The following CCDC178 variants were observed in gnomAD, a reference collection of about 807,000 sequenced individuals.
The protein encoded by CCDC178 is coiled-coil domain containing 178, also known as coiled-coil domain-containing protein 178.
In CCDC178, 126 loss-of-function variants were observed where a neutral mutation model predicts 117.4. That is an observed-to-expected ratio of 1.07 (90% CI 0.93 to 1.24). CCDC178 has a LOEUF of 1.24. Among genes scored for constraint, CCDC178 ranks in the 50% most tolerant of loss-of-function variants. The pLI is 0.00. For synonymous variants in CCDC178, 283 were observed against 313.4 expected (o/e 0.90, Z 1.02); for missense variants, 1,030 against 986.9 (o/e 1.04, Z -0.59).
At position 32,960,206 on chromosome 18, in the gene CCDC178, G is replaced by C. The variant is rs183791933; in HGVS notation, c.2523+14341C>G. 1.2e-3 allele frequency among the ~76,000 whole-genome samples: 182 copies of C among 152,188 alleles called. 1 individual carries two copies. Among genetic ancestry groups the C allele is most frequent in the Non-Finnish European group, 2.1e-3 (142 of 68,008 alleles). On this transcript the variant is annotated intron_variant, in intron 22 of 22. Transcript: ENST00000383096. ...TTATCTTTAAAGGGAAGGAAAATAG[G>C]TGATCCAAGGCTACACTTTTTATCC...
At chr18:33,363,702 TAGATCTATGGGTCA>T (rs2063160174) in intron 6 of CCDC178, among the ~76,000 whole-genome samples, 1 of 152,080 alleles carries the variant, frequency 6.6e-6, no homozygotes, top group African/African-American at 2.4e-5. Flanking sequence ...CTTTAGTTCA[TAGATCTATGGGTCA>T]AAAGAAGTTG....
chr18:33,386,745 C>A (rs532860181), intron 5 of CCDC178, among the ~76,000 whole-genome samples: 12 of 152,190 alleles, frequency 7.9e-5, no homozygotes, highest in Non-Finnish European at 1.6e-4. Flanking sequence ...TTATCACAAA[C>A]CCACAGTCAA....
chr18:33,114,999 T>C (rs1013338646), intron 20 of CCDC178, among the ~76,000 whole-genome samples: 4 of 152,058 alleles, frequency 2.6e-5, no homozygotes, highest in African/African-American at 4.8e-5. Flanking sequence ...GCCAGGTAGA[T>C]TGAATAGAGG....
At chr18:33,281,483 G>A (rs942604997) in intron 12 of CCDC178, among the ~76,000 whole-genome samples, 1 of 151,858 alleles carries the variant, frequency 6.6e-6, no homozygotes, top group African/African-American at 2.4e-5. Flanking sequence ...TATATTCAAG[G>A]AAACAATGCC....
intron 21 of CCDC178, among the ~76,000 whole-genome samples, chr18:33,000,307 A>C (rs183882631): frequency 6.6e-6 from 1 of 152,078 alleles, no homozygotes; most frequent in African/African-American, 2.4e-5. Flanking sequence ...CAAAAGAAAA[A>C]ATAATTAAAA....
rs1259939305 is a variant in CCDC178 at position 33,211,956 on chromosome 18, C to G, written c.2178G>C (p.Glu726Asp). 1 of 1,609,326 alleles carries G rather than the reference C, an allele frequency of 6.2e-7. No individual in the cohort carries two copies. Among genetic ancestry groups the G allele is most frequent in the East Asian group, 2.2e-5 (1 of 44,646 alleles). ...EKKDCEERIF[E>D]EDQRFRVLLA... ...GGAGCACTCTAAATCTCTGATCTTC[C>G]TCAAAGATTCTCTCTTCACAGTCTT... Residue 726 changes from glutamate to aspartate, a missense_variant, in exon 20 of 23, where the codon GAG becomes GAC. Glu to Asp is a conservative substitution (Grantham distance 45, BLOSUM62 2). Coordinates refer to ENST00000383096, the MANE Select transcript of CCDC178 (RefSeq NM_001105528.4).
At chr18:33,324,059 A>G (rs182832012) in intron 10 of CCDC178, among the ~76,000 whole-genome samples, 1 of 151,924 alleles carries the variant, frequency 6.6e-6, no homozygotes, top group East Asian at 2.0e-4. Context: ...CACCAACCTA[A>G]TATCTTAGTG....
At chr18:33,227,556 G>GTATATA (rs145380258) in intron 15 of CCDC178, among the ~76,000 whole-genome samples, 6 of 110,934 alleles carry the variant, frequency 5.4e-5, no homozygotes, top group South Asian at 3.3e-4. Context: ...GTGTGTGTGT[G>GTATATA]TATATATATA....
At chr18:33,043,882 T>C (rs2056594993) in intron 21 of CCDC178, among the ~76,000 whole-genome samples, 1 of 151,792 alleles carries the variant, frequency 6.6e-6, no homozygotes, top group South Asian at 2.1e-4. Flanking sequence ...AATAGTTTAA[T>C]TCAACTTGTA....
At chr18:33,030,636 T>C (rs2056322873) in intron 21 of CCDC178, among the ~76,000 whole-genome samples, 1 of 151,440 alleles carries the variant, frequency 6.6e-6, no homozygotes, top group Non-Finnish European at 1.5e-5. Context: ...AGATGATAGA[T>C]CAATAGATAG....
At chr18:32,992,161 T>A (rs1179308965) in intron 21 of CCDC178, among the ~76,000 whole-genome samples, 1 of 152,220 alleles carries the variant, frequency 6.6e-6, no homozygotes, top group Non-Finnish European at 1.5e-5. Flanking sequence ...ATGCATTTTT[T>A]TTATCCTTTT....
At chr18:33,341,400 G>A (rs1018043426) in intron 9 of CCDC178, among the ~76,000 whole-genome samples, 3 of 152,174 alleles carry the variant, frequency 2.0e-5, no homozygotes, top group African/African-American at 7.2e-5. Flanking sequence ...GGTTAATGCT[G>A]AAATGAGTTA....
At chr18:33,046,729 C>T (rs547122053) in intron 21 of CCDC178, among the ~76,000 whole-genome samples, 1 of 152,088 alleles carries the variant, frequency 6.6e-6, no homozygotes, top group Non-Finnish European at 1.5e-5. Context: ...TGCTCTCCAG[C>T]CTCCTTGAGT....
intron 21 of CCDC178, among the ~76,000 whole-genome samples, chr18:32,986,508 G>T (rs1332115530): frequency 6.6e-6 from 1 of 151,894 alleles, no homozygotes; most frequent in Admixed American, 6.6e-5. Context: ...GAGATTCGCA[G>T]GAACAAACAA....
chr18:33,145,783 A>G (rs1389203611), intron 20 of CCDC178, among the ~76,000 whole-genome samples: 1 of 152,214 alleles, frequency 6.6e-6, no homozygotes, highest in East Asian at 1.9e-4. Context: ...TGATGGTGGA[A>G]CCAGAAGATG....
chr18:33,153,531 T>G (rs894994569), intron 20 of CCDC178, among the ~76,000 whole-genome samples: 6 of 152,140 alleles, frequency 3.9e-5, no homozygotes, highest in African/African-American at 1.4e-4. Context: ...TTTGAAAAGC[T>G]CTGGCCAAAT....
chr18:33,402,360 C>T (rs2063720067), intron 3 of CCDC178, among the ~76,000 whole-genome samples: 1 of 152,168 alleles, frequency 6.6e-6, no homozygotes, highest in South Asian at 2.1e-4. Flanking sequence ...ACATTTGTGG[C>T]TTCTTAACTT....
chr18:33,426,015 G>A (rs925272503), intron 2 of CCDC178, among the ~76,000 whole-genome samples: 1 of 152,252 alleles, frequency 6.6e-6, no homozygotes, highest in Non-Finnish European at 1.5e-5. Flanking sequence ...GCTATATTAT[G>A]AGGTAGCAAA....
intron 21 of CCDC178, among the ~76,000 whole-genome samples, chr18:33,022,839 G>A (rs2056149833): frequency 6.6e-6 from 1 of 151,956 alleles, no homozygotes; most frequent in Non-Finnish European, 1.5e-5. Context: ...ACTGTCAACA[G>A]GGAATTCATT....
Sources: gnomAD v4.1 joint callset for allele counts (sites outside exome capture counted in the v4.1 genomes callset) on GRCh38, gnomAD v4.1.1 for gene constraint, MANE v1.5 for transcripts, NCBI Gene and HGNC (gene_info 2026-07-23, HGNC 2026-07-21) for gene names.